RAB39A: variants seen among roughly 807,000 people sequenced by gnomAD.
RAB39A encodes the protein RAB39A, member RAS oncogene family, also known as ras-related protein Rab-39A.
In RAB39A, 17 loss-of-function variants were observed where a neutral mutation model predicts 20.9. The ratio of observed to expected loss-of-function variants is 0.81; its 90% CI spans 0.56 to 1.22. RAB39A has a LOEUF of 1.22. Among genes scored for constraint, RAB39A ranks in the 50% most tolerant of loss-of-function variants. The pLI is 0.00. For missense variants in RAB39A, 234 were observed against 270.5 expected, an observed-to-expected ratio of 0.87 and a Z score of 0.95; for synonymous variants, 99 against 103.4, an observed-to-expected ratio of 0.96 and a Z score of 0.26.
intron 1 of RAB39A, among the ~76,000 whole-genome samples, chr11:107,960,092 C>G (rs761951260): frequency 6.6e-5 from 10 of 152,176 alleles, no homozygotes; most frequent in Non-Finnish European, 1.5e-4. Context: ...CGCCTATAGT[C>G]CCAGCTACTT....
chr11:107,944,412 G>A (rs1435802390), intron 1 of RAB39A, among the ~76,000 whole-genome samples: 1 of 152,136 alleles, frequency 6.6e-6, no homozygotes, highest in East Asian at 1.9e-4. Context: ...AGATACTGGA[G>A]GCTAGTCAGT....
intron 1 of RAB39A, among the ~76,000 whole-genome samples, chr11:107,948,266 GA>G (rs1329219395): frequency 6.6e-6 from 1 of 152,182 alleles, no homozygotes; most frequent in East Asian, 1.9e-4. Flanking sequence ...GAATTATTGA[GA>G]AGTACATGGA....
At chr11:107,956,139 C>G (rs1457617525) in intron 1 of RAB39A, among the ~76,000 whole-genome samples, 1 of 152,216 alleles carries the variant, frequency 6.6e-6, no homozygotes, top group East Asian at 1.9e-4. Context: ...TAAGACCACA[C>G]TAGTAATAGA....
chr11:107,936,208 C>T (rs1861193346), intron 1 of RAB39A, among the ~76,000 whole-genome samples: 1 of 152,132 alleles, frequency 6.6e-6, no homozygotes, highest in Non-Finnish European at 1.5e-5. Flanking sequence ...CGTCATTTTC[C>T]TAGCCCTTGC....
chr11:107,931,081 A>G (rs1861132040), intron 1 of RAB39A, among the ~76,000 whole-genome samples: 1 of 151,512 alleles, frequency 6.6e-6, no homozygotes, highest in Non-Finnish European at 1.5e-5. Context: ...GGTTCCAGCA[A>G]TTCTGCAGCC....
chr11:107,940,098 A>G (rs1213226709), intron 1 of RAB39A, among the ~76,000 whole-genome samples: 1 of 152,098 alleles, frequency 6.6e-6, no homozygotes, highest in Non-Finnish European at 1.5e-5. Context: ...ATAAAGAACC[A>G]GTTATTTGTG....
At chr11:107,939,527 G>A (rs192684125) in intron 1 of RAB39A, among the ~76,000 whole-genome samples, 38 of 147,802 alleles carry the variant, frequency 2.6e-4, no homozygotes, top group Middle Eastern at 3.8e-3. Flanking sequence ...GGAGAATGGC[G>A]TGAACCCGGG....
At chr11:107,935,133 C>A (rs1861180777) in intron 1 of RAB39A, among the ~76,000 whole-genome samples, 1 of 152,094 alleles carries the variant, frequency 6.6e-6, no homozygotes, top group Non-Finnish European at 1.5e-5. Context: ...CCGATCCAGA[C>A]CCCAAGAGAG....
chr11:107,955,950 C>A (rs541231752), intron 1 of RAB39A, among the ~76,000 whole-genome samples: 2 of 151,840 alleles, frequency 1.3e-5, no homozygotes, highest in Admixed American at 6.6e-5. Context: ...GGAGAGGTTT[C>A]ATCAACATAC....
chr11:107,954,546 A>G (rs1364781476), intron 1 of RAB39A, among the ~76,000 whole-genome samples: 1 of 152,188 alleles, frequency 6.6e-6, no homozygotes, highest in Non-Finnish European at 1.5e-5. Context: ...AAAAGTAAAC[A>G]GTGAGATGTA....
chr11:107,953,674 T>G (rs1449248009), intron 1 of RAB39A, among the ~76,000 whole-genome samples: 1 of 152,152 alleles, frequency 6.6e-6, no homozygotes, highest in Non-Finnish European at 1.5e-5. Flanking sequence ...AACAAAAAAT[T>G]TTAGTGACTC....
chr11:107,958,006 C>T (rs1861455706), intron 1 of RAB39A, among the ~76,000 whole-genome samples: 1 of 152,078 alleles, frequency 6.6e-6, no homozygotes, highest in Non-Finnish European at 1.5e-5. Flanking sequence ...ATTCTCCTGC[C>T]TCAGCCTCCC....
At chr11:107,955,800 T>G (rs558842266) in intron 1 of RAB39A, among the ~76,000 whole-genome samples, 2 of 152,240 alleles carry the variant, frequency 1.3e-5, no homozygotes, top group Non-Finnish European at 2.9e-5. Context: ...ATCACACCAT[T>G]GCACTCCAGC....
chr11:107,954,192 A>G (rs913736789), intron 1 of RAB39A, among the ~76,000 whole-genome samples: 3 of 152,236 alleles, frequency 2.0e-5, no homozygotes, highest in Non-Finnish European at 2.9e-5. Flanking sequence ...GTAGTAAGCA[A>G]TAACAGTTCA....
chr11:107,939,428 A>C (rs915947636), intron 1 of RAB39A, among the ~76,000 whole-genome samples: 43 of 151,042 alleles, frequency 2.8e-4, no homozygotes, highest in Admixed American at 1.2e-3. Flanking sequence ...AACACAGTGA[A>C]ACCCCGTCTC....
In RAB39A at chr11:107,928,451, C is replaced by A; in HGVS notation, c.-118C>A. On this transcript the variant is annotated 5_prime_UTR_variant, in exon 1 of 2. Coordinates refer to ENST00000320578, the MANE Select transcript of RAB39A (RefSeq NM_017516.3). This position sits in a 1 kb window ranked among gnomAD's most constrained non-coding sequence, Gnocchi z 4.9. ...GCGGGCACCAGGCGGCGGCCGCAGC[C>A]GCAGGAATATGCTGGAAGGCGGCGG... 1.4e-6 allele frequency: 1 copy of A among 713,894 alleles called. No individual in the cohort carries two copies. The highest frequency in any genetic ancestry group is 2.0e-6 in the Non-Finnish European group (1 of 502,340). The allele number at this position is 713,894 out of a possible 1,614,324, so 44.2% of individuals were successfully genotyped here.
At chr11:107,929,849 T>C (rs1861118855) in intron 1 of RAB39A, among the ~76,000 whole-genome samples, 1 of 152,194 alleles carries the variant, frequency 6.6e-6, no homozygotes, top group South Asian at 2.1e-4. Context: ...ACTGATGTAT[T>C]GTACTGTTCT....
At position 107,928,583 on chromosome 11, in the gene RAB39A, G is replaced by T; in HGVS notation, c.15G>T (p.Trp5Cys). 2 of 1,563,530 alleles carry T rather than the reference G, an allele frequency of 1.3e-6. No homozygotes were observed. The highest frequency in any genetic ancestry group is 1.7e-6 in the Non-Finnish European group (2 of 1,145,526). The change falls in exon 1 of 2, where the codon TGG (tryptophan) becomes TGT (cysteine). Residue 5 changes from tryptophan to cysteine, a missense_variant. Trp to Cys is a radical substitution (Grantham distance 215). Coordinates refer to ENST00000320578, the MANE Select transcript of RAB39A (RefSeq NM_017516.3). This position sits in a 1 kb window ranked among gnomAD's most constrained non-coding sequence, Gnocchi z 4.9. METI[W>C]IYQFRLIVIG... ...GCACGTGAGCGATGGAGACCATCTG[G>T]ATCTACCAGTTCCGCCTCATCGTGA...
chr11:107,946,451 TATATATATA>T (rs1565464293), intron 1 of RAB39A, among the ~76,000 whole-genome samples: 26 of 81,776 alleles, frequency 3.2e-4, no homozygotes, highest in Admixed American at 7.5e-4. Context: ...TATATATATA[TATATATATA>T]TTTTTTTTTT....
Sources: gnomAD v4.1 joint callset for allele counts (sites outside exome capture counted in the v4.1 genomes callset) on GRCh38, gnomAD v4.1.1 for gene constraint, Gnocchi (gnomAD v3.1) non-coding constraint, MANE v1.5 for transcripts, NCBI Gene and HGNC (gene_info 2026-07-23, HGNC 2026-07-21) for gene names.